Variants in PCDHA12 observed in about 807,000 individuals in gnomAD.
PCDHA12 encodes protocadherin alpha 12.
A neutral mutation model predicts 60.0 loss-of-function variants in PCDHA12; 44 were observed. That is an observed-to-expected ratio of 0.73 (90% CI 0.58 to 0.94). The LOEUF is 0.94. Ranked by LOEUF, PCDHA12 falls within the 40% of genes least tolerant of loss-of-function variation. PCDHA12 has a pLI of 0.00. For synonymous variants in PCDHA12, 569 were observed against 553.0 expected (o/e 1.03, Z -0.40); for missense variants, 1,276 against 1,239.7 (o/e 1.03, Z -0.44).
chr5:140,999,066 T>G (rs2097845533), intron 3 of PCDHA12, among the ~76,000 whole-genome samples: 1 of 152,214 alleles, frequency 6.6e-6, no homozygotes, highest in Admixed American at 6.5e-5. Flanking sequence ...CTAAGTAGTC[T>G]CCTTCACTTC....
intron 1 of PCDHA12, among the ~76,000 whole-genome samples, chr5:140,978,436 G>A (rs190191755): frequency 6.6e-6 from 1 of 152,348 alleles, no homozygotes; most frequent in East Asian, 1.9e-4. Flanking sequence ...AGTTGCTGGT[G>A]TTATGACTGG....
At chr5:140,969,556 C>A in intron 1 of PCDHA12, 1 of 1,210,690 alleles carries the variant, frequency 8.3e-7, no homozygotes, top group Non-Finnish European at 1.1e-6. Flanking sequence ...AAGCCTTGTC[C>A]ATAAAATTGT....
intron 1 of PCDHA12, among the ~76,000 whole-genome samples, chr5:140,977,624 T>C (rs139722248): frequency 6.6e-6 from 1 of 152,088 alleles, no homozygotes. Flanking sequence ...TATCCCAGAG[T>C]TGTAACTTTT....
At chr5:140,883,459 G>A in intron 1 of PCDHA12, 1 of 1,614,132 alleles carries the variant, frequency 6.2e-7, no homozygotes, top group Non-Finnish European at 8.5e-7. Context: ...CCTTCAAGCT[G>A]GTGTCCACCT....
chr5:140,946,629 T>TATATATATATATATATATATAC (rs1367833800), intron 1 of PCDHA12, among the ~76,000 whole-genome samples: 1 of 123,274 alleles, frequency 8.1e-6, no homozygotes, highest in African/African-American at 3.0e-5. Context: ...TATATATATA[T>TATATATATATATATATATATAC]ATACAATGGA....
chr5:140,885,924 TTATC>T lies in PCDHA12; in HGVS notation c.2367+8089_2367+8092del, dbSNP rs554293197. Among the ~76,000 whole-genome samples the T allele has an allele frequency of 1.1e-3, 168 of 152,304 alleles. 1 individual carries two copies. The highest frequency in any genetic ancestry group is 9.9e-3 in the South Asian group (48 of 4,826). ...TCTGTACCTTATAGATATTAACTGT[TTATC>T]TATTTTTTGACATTTTTAATTAAAA... On this transcript the variant is annotated intron_variant, in intron 1 of 3. Coordinates refer to ENST00000398631, the MANE Select transcript of PCDHA12 (RefSeq NM_018903.4).
intron 1 of PCDHA12, among the ~76,000 whole-genome samples, chr5:140,889,158 T>A (rs2062123549): frequency 6.6e-6 from 1 of 151,892 alleles, no homozygotes; most frequent in Non-Finnish European, 1.5e-5. Context: ...TCTTCTTTGT[T>A]AAGTATTCAA....
intron 1 of PCDHA12, among the ~76,000 whole-genome samples, chr5:140,911,721 A>G (rs1442469379): frequency 6.6e-6 from 1 of 152,168 alleles, no homozygotes; most frequent in African/African-American, 2.4e-5. Context: ...GTAACTCTGT[A>G]AACAGTTCGT....
chr5:140,882,143 C>A, intron 1 of PCDHA12: 2 of 1,494,048 alleles, frequency 1.3e-6, no homozygotes, highest in Admixed American at 2.3e-5. Context: ...GAAAATATAG[C>A]AGAAAGCGGA....
chr5:140,902,563 G>C (rs1472097639), intron 1 of PCDHA12, among the ~76,000 whole-genome samples: 2 of 151,808 alleles, frequency 1.3e-5, no homozygotes, highest in African/African-American at 4.8e-5. Context: ...GATTTTTGAG[G>C]GTTTTTAAGA....
chr5:140,974,945 A>G (rs2096646889), intron 1 of PCDHA12, among the ~76,000 whole-genome samples: 1 of 152,180 alleles, frequency 6.6e-6, no homozygotes, highest in African/African-American at 2.4e-5. Flanking sequence ...CCTATTTGTT[A>G]TCTCACAGTC....
chr5:140,984,389 A>T (rs1346769556), intron 3 of PCDHA12, among the ~76,000 whole-genome samples: 2 of 152,208 alleles, frequency 1.3e-5, no homozygotes, highest in African/African-American at 4.8e-5. Flanking sequence ...AGATTCAAAA[A>T]ATGTTGAGAA....
chr5:140,924,736 A>C (rs1554202112), intron 1 of PCDHA12, among the ~76,000 whole-genome samples: 1 of 151,866 alleles, frequency 6.6e-6, no homozygotes, highest in Non-Finnish European at 1.5e-5. Flanking sequence ...CTCTAATAAA[A>C]ATACAAAAAT....
At chr5:140,881,454 C>A in intron 1 of PCDHA12, 1 of 705,924 alleles carries the variant, frequency 1.4e-6, no homozygotes, top group Non-Finnish European at 1.7e-6. Context: ...AATCCAAAAC[C>A]TTAGAGCATT....
intron 2 of PCDHA12, among the ~76,000 whole-genome samples, chr5:140,981,879 A>G (rs1472110145): frequency 3.9e-5 from 6 of 152,158 alleles, no homozygotes; most frequent in Non-Finnish European, 7.3e-5. Context: ...TGCTGAATTA[A>G]TCTCTTCTGA....
At chr5:140,966,396 C>T (rs770476013) in intron 1 of PCDHA12, 11 of 405,036 alleles carry the variant, frequency 2.7e-5, no homozygotes, top group Admixed American at 4.4e-5. Flanking sequence ...TCCGCCACTT[C>T]GGCGCGGAAT....
At chr5:140,966,488 C>A (rs1161799910) in intron 1 of PCDHA12, 8 of 440,132 alleles carry the variant, frequency 1.8e-5, no homozygotes, top group Admixed American at 8.7e-5. Flanking sequence ...TTTCCCTCCC[C>A]CTGGAGCTGT....
chr5:140,888,275 G>A (rs974764035), intron 1 of PCDHA12, among the ~76,000 whole-genome samples: 1 of 152,056 alleles, frequency 6.6e-6, no homozygotes, highest in African/African-American at 2.4e-5. Context: ...AAACAGTTTT[G>A]TCCCCTCTAC....
At chr5:140,925,382 C>A (rs2082461008) in intron 1 of PCDHA12, among the ~76,000 whole-genome samples, 1 of 152,078 alleles carries the variant, frequency 6.6e-6, no homozygotes, top group Non-Finnish European at 1.5e-5. Flanking sequence ...GTCAATGAGT[C>A]TCCTTTTGGC....
Sources: gnomAD v4.1 joint callset for allele counts (sites outside exome capture counted in the v4.1 genomes callset) on GRCh38, gnomAD v4.1.1 for gene constraint, MANE v1.5 for transcripts, NCBI Gene and HGNC (gene_info 2026-07-23, HGNC 2026-07-21) for gene names.